Variants in PLCB2 observed in about 807,000 individuals in gnomAD.
PLCB2 encodes 1-phosphatidylinositol 4,5-bisphosphate phosphodiesterase beta-2.
A neutral mutation model predicts 141.7 loss-of-function variants in PLCB2; 115 were observed. The observed-to-expected ratio is 0.81, with a 90% CI of 0.70 to 0.95. PLCB2 has a LOEUF of 0.95. Ranked by LOEUF, PLCB2 falls within the 40% of genes least tolerant of loss-of-function variation. The pLI, the probability that PLCB2 is intolerant of heterozygous loss-of-function variation, is 0.00. For missense variants in PLCB2, 1,403 were observed against 1,541.1 expected (o/e 0.91, Z 1.50); for synonymous variants, 603 against 595.6 (o/e 1.01, Z -0.18).
At chr15:40,307,525 G>T (rs1195284237) in intron 1 of PLCB2, 64 bp downstream of exon 1, 2 of 1,063,496 alleles carry the variant, frequency 1.9e-6, no homozygotes, top group Non-Finnish European at 1.4e-6. Flanking sequence ...CCCAAGCAAA[G>T]CCCCGTAGCA....
intron 30 of PLCB2, chr15:40,289,617 G>C (rs1255980557): frequency 1.8e-6 from 1 of 552,276 alleles, no homozygotes; most frequent in Admixed American, 3.1e-5. Flanking sequence ...TGTGTTCTGT[G>C]GTTAATGATC....
intron 3 of PLCB2, among the ~76,000 whole-genome samples, chr15:40,302,938 C>T (rs1390291719): frequency 1.3e-5 from 2 of 152,220 alleles, no homozygotes; most frequent in Non-Finnish European, 2.9e-5. Context: ...CAATCCCTTC[C>T]TCCAATTTTC....
At chr15:40,304,711 C>T (rs1354001280) in intron 1 of PLCB2, among the ~76,000 whole-genome samples, 1 of 152,140 alleles carries the variant, frequency 6.6e-6, no homozygotes. Flanking sequence ...GACTCCAGGA[C>T]AACAAGCCTG....
rs768507402 is a variant in PLCB2 at position 40,291,245 on chromosome 15, G to C, written c.2870+20C>G. On this transcript the variant is annotated intron_variant, in intron 26 of 31. Coordinates refer to ENST00000260402, the MANE Select transcript of PLCB2 (RefSeq NM_004573.3). ...GCGCCACCCGCGCTGCAGAGGGCAG[G>C]GCACCGCCACGAGCCTTACCTCTTC... 4 of 1,573,710 alleles carry C rather than the reference G, an allele frequency of 2.5e-6. No homozygotes were observed. The highest frequency in any genetic ancestry group is 2.7e-5 in the African/African-American group (2 of 74,446).
chr15:40,289,942 AGAGAGAGAGAGAGAGAGAGAGAGAGAGT>A, intron 30 of PLCB2, 55 bp downstream of exon 30: 5 of 174,648 alleles, frequency 2.9e-5, no homozygotes, highest in Admixed American at 1.3e-4. Flanking sequence ...AGAGAGAGAG[AGAGAGAGAGAGAGAGAGAGAGAGAGAGT>A]GTGTGTGTGT....
Position 40,288,531 on chromosome 15 carries a change from T to C in PLCB2, c.*184A>G. 1 of 1,325,360 alleles carries C rather than the reference T, an allele frequency of 7.5e-7. No homozygotes were observed. Among genetic ancestry groups the C allele is most frequent in the South Asian group, 2.4e-5 (1 of 41,100 alleles). 82.1% of individuals were successfully genotyped at this position (1,325,360 alleles called of 1,614,324 possible). On this transcript the variant is annotated 3_prime_UTR_variant, in exon 32 of 32. Coordinates refer to ENST00000260402, the MANE Select transcript of PLCB2 (RefSeq NM_004573.3). Reference sequence around the variant, plus strand: ...TCTAGGCCCCAGAGAGGCCCTGCCGTGAGGGTGCCTGGGTCCTGTCTCAGA... The same window carrying C: ...TCTAGGCCCCAGAGAGGCCCTGCCGCGAGGGTGCCTGGGTCCTGTCTCAGA...
Position 40,288,382 on chromosome 15 carries a change from G to A in PLCB2, c.*333C>T. On this transcript the variant is annotated 3_prime_UTR_variant, in exon 32 of 32. Coordinates refer to ENST00000260402, the MANE Select transcript of PLCB2 (RefSeq NM_004573.3). ...TGAGCCCAGAGCTGGTTGCTCAATA[G>A]GAAAGGCAGAGTGGGGCCAGGATCC... 9.4e-7 allele frequency: 1 copy of A among 1,063,706 alleles called. No homozygotes were observed. Among genetic ancestry groups the A allele is most frequent in the Non-Finnish European group, 1.1e-6 (1 of 880,126 alleles). 65.9% of individuals were successfully genotyped at this position (1,063,706 alleles called of 1,614,324 possible).
chr15:40,295,269 A>C lies in PLCB2; in HGVS notation c.1713T>G (p.Tyr571Ter). 2 of 1,613,194 alleles carry C rather than the reference A, an allele frequency of 1.2e-6. No homozygotes were observed. Among genetic ancestry groups the C allele is most frequent in the Non-Finnish European group, 1.7e-6 (2 of 1,179,132 alleles). ...TGAGCTCTGTGAAGGACGAGATGACATAACTTCGGTTCTTTTCTATATAGG... is the reference window on the plus strand; with the variant it reads ...TGAGCTCTGTGAAGGACGAGATGACCTAACTTCGGTTCTTTTCTATATAGG... ...FEFSAQKNRS[Y>*]VISSFTELKA... Residue 571 changes from tyrosine to a stop codon, truncating the protein, a stop_gained, in exon 17 of 32, where the codon TAT becomes TAG. Coordinates refer to ENST00000260402, the MANE Select transcript of PLCB2 (RefSeq NM_004573.3). LOFTEE classifies it high-confidence loss of function.
intron 3 of PLCB2, 59 bp from the exon 4 acceptor site, chr15:40,302,668 C>A (rs1329276800): frequency 1.9e-6 from 3 of 1,588,242 alleles, no homozygotes; most frequent in Non-Finnish European, 2.6e-6. Context: ...CCCAGTGTGG[C>A]TCTCTCTGGC....
chr15:40,299,822 C>T (rs117309836), intron 7 of PLCB2, among the ~76,000 whole-genome samples: 6 of 152,032 alleles, frequency 3.9e-5, no homozygotes, highest in Admixed American at 2.0e-4. Context: ...ATCAGATATC[C>T]GATAAGAGAT....
Position 40,288,520 on chromosome 15 carries a change from A to G in PLCB2, c.*195T>C, listed in dbSNP as rs1483435758. 2 of 1,310,390 alleles carry G rather than the reference A, an allele frequency of 1.5e-6. No homozygotes were observed. The highest frequency in any genetic ancestry group is 1.9e-6 in the Non-Finnish European group (2 of 1,029,582). The allele number at this position is 1,310,390 out of a possible 1,614,324, so 81.2% of individuals were successfully genotyped here. The stretch of plus-strand genomic sequence containing the variant: ...TTGAGAAGACTTCTAGGCCCCAGAG[A>G]GGCCCTGCCGTGAGGGTGCCTGGGT... On this transcript the variant is annotated 3_prime_UTR_variant, in exon 32 of 32. Coordinates refer to ENST00000260402, the MANE Select transcript of PLCB2 (RefSeq NM_004573.3).
chr15:40,303,182 C>G (rs2040608710), intron 3 of PLCB2, 106 bp downstream of exon 3: 1 of 837,086 alleles, frequency 1.2e-6, no homozygotes, highest in Non-Finnish European at 2.1e-6. Flanking sequence ...AGGAACCATT[C>G]CCCGTGCTTC....
In PLCB2 at chr15:40,296,650, CT is replaced by C; in HGVS notation, c.1487-17del. 1 of 1,612,792 alleles carries C rather than the reference CT, an allele frequency of 6.2e-7. No individual in the cohort carries two copies. The highest frequency in any genetic ancestry group is 8.5e-7 in the Non-Finnish European group (1 of 1,179,720). On this transcript the variant is annotated splice_polypyrimidine_tract_variant and intron_variant, in intron 14 of 31. Coordinates refer to ENST00000260402, the MANE Select transcript of PLCB2 (RefSeq NM_004573.3). The stretch of plus-strand genomic sequence containing the variant: ...CCAGCCCACACTGCCACATACAGCT[CT>C]GTCGGCACTGGCTCCTGCATGGCTC...
At chr15:40,286,143 C>T, downstream of PLCB2, 1 of 641,556 alleles carries the variant, frequency 1.6e-6, no homozygotes, top group African/African-American at 2.0e-5. Context: ...GAGGCACCAA[C>T]AGCCGGAATT....
chr15:40,302,747 C>T, intron 3 of PLCB2, 138 bp from the exon 4 acceptor site: 1 of 895,110 alleles, frequency 1.1e-6, no homozygotes, highest in South Asian at 1.7e-5. Context: ...AACCACAGGC[C>T]TTAGCATCTT....
intron 26 of PLCB2, 21 bp from the exon 27 acceptor site, chr15:40,291,204 C>A: frequency 6.4e-7 from 1 of 1,571,454 alleles, no homozygotes; most frequent in Non-Finnish European, 8.6e-7. Flanking sequence ...CACGTGGGGA[C>A]AGGCCCTGAG....
chr15:40,284,860 AAAAAG>A (rs2039588755), downstream of PLCB2, among the ~76,000 whole-genome samples: 1 of 142,878 alleles, frequency 7.0e-6, no homozygotes, highest in African/African-American at 2.5e-5. Context: ...AAAAAAAAAA[AAAAAG>A]GAAGTAATTC....
At chr15:40,306,604 C>T (rs935863729) in intron 1 of PLCB2, among the ~76,000 whole-genome samples, 1 of 152,152 alleles carries the variant, frequency 6.6e-6, no homozygotes, top group African/African-American at 2.4e-5. Context: ...AGCATCTCAC[C>T]ACAGGGCCCC....
chr15:40,294,141 C>G, intron 19 of PLCB2, 125 bp downstream of exon 19: 1 of 935,544 alleles, frequency 1.1e-6, no homozygotes, highest in South Asian at 1.5e-5. Flanking sequence ...ACTGCAGGAA[C>G]TGGCTGGGGC....
Sources: allele counts gnomAD v4.1 joint callset (sites outside exome capture counted in the v4.1 genomes callset), GRCh38; gene constraint gnomAD v4.1.1; transcripts MANE v1.5; gene names NCBI Gene and HGNC (gene_info 2026-07-23, HGNC 2026-07-21).